The following NUP93 variants were observed in gnomAD, a reference collection of about 807,000 sequenced individuals.
The protein encoded by NUP93 is nuclear pore complex protein Nup93.
A neutral mutation model predicts 107.8 loss-of-function variants in NUP93; 55 were observed. The observed-to-expected ratio is 0.51, with a 90% CI of 0.41 to 0.64. NUP93 has a LOEUF of 0.64. Among genes scored for constraint, NUP93 ranks in the 30% least tolerant of loss-of-function variants. The pLI, the probability that NUP93 is intolerant of heterozygous loss-of-function variation, is 0.00. For missense variants in NUP93, 937 were observed against 1,044.7 expected (o/e 0.90, Z 1.42); for synonymous variants, 390 against 397.5 (o/e 0.98, Z 0.22).
At chr16:56,744,664 T>C (rs756874329) in intron 1 of NUP93, among the ~76,000 whole-genome samples, 1 of 152,232 alleles carries the variant, frequency 6.6e-6, no homozygotes, top group Non-Finnish European at 1.5e-5. Flanking sequence ...AGCAAAATTC[T>C]TTCTATATAT....
Position 56,807,761 on chromosome 16 carries a change from G to A in NUP93, c.489+2129G>A, listed in dbSNP as rs1173221777. On this transcript the variant is annotated intron_variant, in intron 5 of 21. Coordinates refer to ENST00000308159, the MANE Select transcript of NUP93 (RefSeq NM_014669.5). ...GTGTGGCCCGGGCGCGGTGGTTCAC[G>A]CCTATAATCCCAGCATGTTGGGAGG... Among the ~76,000 whole-genome samples the A allele has an allele frequency of 3.9e-5, 6 of 151,920 alleles. No homozygotes were observed. In the South Asian group the frequency reaches 1.2e-3, roughly 32 times the overall value.
chr16:56,787,284 C>T (rs1460321190), intron 3 of NUP93, among the ~76,000 whole-genome samples: 2 of 152,224 alleles, frequency 1.3e-5, no homozygotes, highest in Non-Finnish European at 2.9e-5. Context: ...ATTGGTGCTC[C>T]AATCCCATCA....
chr16:56,841,682 A>ACTCTGT, intron 20 of NUP93, 23 bp from the exon 21 acceptor site: 1 of 1,610,220 alleles, frequency 6.2e-7, no homozygotes, highest in South Asian at 1.1e-5. Context: ...CTTTTTCTTT[A>ACTCTGT]CTCTGTTTTT....
intron 10 of NUP93, chr16:56,831,491 G>T: frequency 5.5e-6 from 1 of 180,800 alleles, no homozygotes; most frequent in Non-Finnish European, 1.2e-5. Context: ...AAGGGAGTGT[G>T]GAGGCCAGGG....
intron 3 of NUP93, among the ~76,000 whole-genome samples, chr16:56,767,152 G>A (rs1010343512): frequency 2.0e-5 from 3 of 152,252 alleles, no homozygotes. Context: ...AAGATCAGCA[G>A]TGGTGCACGC....
chr16:56,752,167 G>C (rs1597105603), intron 2 of NUP93, among the ~76,000 whole-genome samples: 1 of 152,194 alleles, frequency 6.6e-6, no homozygotes, highest in East Asian at 1.9e-4. Context: ...CTCTGGTAGA[G>C]TACAGCACCA....
chr16:56,838,922 T>C, intron 18 of NUP93, 30 bp from the exon 19 acceptor site: 1 of 1,485,666 alleles, frequency 6.7e-7, no homozygotes, highest in Non-Finnish European at 9.4e-7. Context: ...GATACACTCT[T>C]ACTACCCCCA....
chr16:56,818,497 T>A (rs1281171317), intron 5 of NUP93, among the ~76,000 whole-genome samples, 167 bp from the exon 6 acceptor site: 1 of 152,220 alleles, frequency 6.6e-6, no homozygotes, highest in Non-Finnish European at 1.5e-5. Context: ...ATAGTAAAAG[T>A]TGCATGTTAT....
At chr16:56,743,425 G>T (rs1961770190) in intron 1 of NUP93, among the ~76,000 whole-genome samples, 3 of 152,108 alleles carry the variant, frequency 2.0e-5, no homozygotes, top group Admixed American at 2.0e-4. Flanking sequence ...CAAACTGTGG[G>T]TTTTACTTTT....
chr16:56,832,131 C>A, intron 11 of NUP93, 124 bp downstream of exon 11: 1 of 1,288,510 alleles, frequency 7.8e-7, no homozygotes, highest in East Asian at 2.3e-5. Context: ...GGTTCCTCGT[C>A]TCCTGTCCCC....
intron 1 of NUP93, among the ~76,000 whole-genome samples, chr16:56,740,510 C>G (rs1266969458): frequency 6.7e-6 from 1 of 148,850 alleles, no homozygotes; most frequent in African/African-American, 2.4e-5. Flanking sequence ...GATGGGATGG[C>G]GGCCGGGCGG....
chr16:56,816,026 A>G (rs533856144), intron 5 of NUP93, among the ~76,000 whole-genome samples: 1 of 152,340 alleles, frequency 6.6e-6, no homozygotes, highest in South Asian at 2.1e-4. Flanking sequence ...CAGGCAGGAT[A>G]GAGCAGTAGC....
At chr16:56,829,369 T>C (rs1472532119) in intron 9 of NUP93, among the ~76,000 whole-genome samples, 1 of 152,150 alleles carries the variant, frequency 6.6e-6, no homozygotes, top group African/African-American at 2.4e-5. Context: ...GCTGAGCCAA[T>C]AGGACTTGCT....
rs1188027635 is a variant in NUP93 at position 56,827,044 on chromosome 16, C to CA, written c.795-1908dup. On this transcript the variant is annotated intron_variant, in intron 8 of 21. Transcript: ENST00000308159. ...CTGGGGATGGAATGAGACTCCGTCT[C>CA]AAAAAAAAAAAAAAAAAAAAAAAAA... Among the ~76,000 whole-genome samples the CA allele has an allele frequency of 1.6e-3, 84 of 53,508 alleles. 3 individuals carry two copies. The highest frequency in any genetic ancestry group is 2.2e-3 in the Non-Finnish European group (61 of 27,746). The allele number at this position is 53,508 out of a possible 152,430, so 35.1% of individuals were successfully genotyped here. A position where few individuals can be genotyped will look rare whatever the true frequency, so the allele number is the denominator to read the frequency against.
rs531785786 is a variant in NUP93, at chr16:56,832,201, C to G, written c.1252-94C>G. 2.9e-3 allele frequency: 3,594 copies of G among 1,258,786 alleles called. 13 individuals carry two copies. Among genetic ancestry groups the G allele is most frequent in the Non-Finnish European group, 3.2e-3 (2,729 of 859,586 alleles). The allele number at this position is 1,258,786 out of a possible 1,614,324, so 78.0% of individuals were successfully genotyped here. ...AGCCTTAAACACAGCTTCTAGCTGA[C>G]ATCATTGAGCATGGCTGCTGAACAG... On this transcript the variant is annotated intron_variant, in intron 11 of 21. Transcript: ENST00000308159.
At chr16:56,831,256 T>C (rs560410432) in intron 10 of NUP93, among the ~76,000 whole-genome samples, 18 of 152,240 alleles carry the variant, frequency 1.2e-4, no homozygotes, top group Non-Finnish European at 2.4e-4. Context: ...GTTATATATA[T>C]GTACATGTAT....
At chr16:56,735,879 A>G (rs2144430300) in intron 1 of NUP93, among the ~76,000 whole-genome samples, 1 of 151,406 alleles carries the variant, frequency 6.6e-6, no homozygotes, top group Non-Finnish European at 1.5e-5. Flanking sequence ...TAGGGTGCAT[A>G]GAGTTGGGGG....
intron 8 of NUP93, among the ~76,000 whole-genome samples, chr16:56,827,679 T>G (rs1471135790): frequency 2.0e-5 from 3 of 152,220 alleles, no homozygotes; most frequent in African/African-American, 7.2e-5. Flanking sequence ...TTACAAGATA[T>G]TCTACCAGAC....
At chr16:56,805,231 G>A (rs766431795) in intron 4 of NUP93, among the ~76,000 whole-genome samples, 86 of 152,154 alleles carry the variant, frequency 5.7e-4, no homozygotes, top group Middle Eastern at 3.4e-3. Context: ...CTAACTTTTT[G>A]TAGAGAGGGT....
Sources: gnomAD v4.1 joint callset for allele counts (sites outside exome capture counted in the v4.1 genomes callset) on GRCh38, gnomAD v4.1.1 for gene constraint, MANE v1.5 for transcripts, NCBI Gene and HGNC (gene_info 2026-07-23, HGNC 2026-07-21) for gene names.